MAGI2: variants seen among roughly 807,000 people sequenced by gnomAD.
The protein encoded by MAGI2 is membrane-associated guanylate kinase, WW and PDZ domain-containing protein 2.
MAGI2 carries 35 observed loss-of-function variants against 133.3 expected under a neutral mutation model. The ratio of observed to expected loss-of-function variants is 0.26; its 90% CI spans 0.20 to 0.35. The LOEUF (loss-of-function observed/expected upper bound fraction) is 0.35. Ranked by LOEUF, MAGI2 falls within the 10% of genes least tolerant of loss-of-function variation. MAGI2 has a pLI of 1.00. For missense variants in MAGI2, 1,636 were observed against 1,863.4 expected (o/e 0.88, Z 2.25); for synonymous variants, 729 against 710.6 (o/e 1.03, Z -0.41).
intron 1 of MAGI2, among the ~76,000 whole-genome samples, chr7:79,009,746 C>G (rs1807854474): frequency 6.6e-6 from 1 of 152,004 alleles, no homozygotes; most frequent in Non-Finnish European, 1.5e-5. Context: ...ACACTTAGCC[C>G]AGAAGGAAAT....
chr7:78,695,041 C>T (rs557410373), intron 2 of MAGI2, among the ~76,000 whole-genome samples: 7 of 152,062 alleles, frequency 4.6e-5, no homozygotes, highest in South Asian at 4.2e-4. Context: ...CTGGCTAACA[C>T]GGTGAAACCC....
At chr7:78,912,132 T>C (rs1227435846) in intron 2 of MAGI2, among the ~76,000 whole-genome samples, 1 of 152,248 alleles carries the variant, frequency 6.6e-6, no homozygotes, top group Non-Finnish European at 1.5e-5. Context: ...TTAGCACTTC[T>C]GTGCATTTCA....
At chr7:79,076,243 C>G (rs1273082450) in intron 1 of MAGI2, among the ~76,000 whole-genome samples, 2 of 152,154 alleles carry the variant, frequency 1.3e-5, no homozygotes, top group Non-Finnish European at 2.9e-5. Context: ...GAACCAAGTA[C>G]CTAGGTACTA....
chr7:79,379,533 C>A (rs1009465319), intron 1 of MAGI2, among the ~76,000 whole-genome samples: 36 of 152,056 alleles, frequency 2.4e-4, no homozygotes, highest in Non-Finnish European at 4.4e-4. Context: ...TGAGGAATCG[C>A]CACACTGTCT....
chr7:78,893,382 A>G (rs1430420861), intron 2 of MAGI2, among the ~76,000 whole-genome samples: 1 of 152,218 alleles, frequency 6.6e-6, no homozygotes, highest in African/African-American at 2.4e-5. Flanking sequence ...ATTACTGGGT[A>G]TATACCCAAA....
chr7:78,823,493 G>A (rs974635009), intron 2 of MAGI2, among the ~76,000 whole-genome samples: 7 of 150,238 alleles, frequency 4.7e-5, no homozygotes, highest in African/African-American at 1.7e-4. Flanking sequence ...TGAGGCAGGA[G>A]AATGGCGTGA....
At chr7:78,576,329 A>G (rs1222469495) in intron 3 of MAGI2, among the ~76,000 whole-genome samples, 2 of 152,138 alleles carry the variant, frequency 1.3e-5, no homozygotes, top group Non-Finnish European at 2.9e-5. Flanking sequence ...ACAATCTACC[A>G]CTTCCTTTGA....
intron 6 of MAGI2, among the ~76,000 whole-genome samples, chr7:78,436,020 T>C (rs1256779663): frequency 6.6e-6 from 1 of 152,180 alleles, no homozygotes; most frequent in East Asian, 1.9e-4. Context: ...AGTAGATATC[T>C]GGAGATTTTT....
At position 78,017,207 on chromosome 7, in the gene MAGI2, A is replaced by G. The variant is rs1370128826; in HGVS notation, c.*2108T>C. The G allele has an allele frequency of 1.3e-5, 2 of 152,676 alleles. No individual in the cohort carries two copies. Among genetic ancestry groups the G allele is most frequent in the Non-Finnish European group, 2.9e-5 (2 of 68,046 alleles). The allele number at this position is 152,676 out of a possible 1,614,324, so 9.5% of individuals were successfully genotyped here. A position where few individuals can be genotyped will look rare whatever the true frequency, so the allele number is the denominator to read the frequency against. ...GCTCACTTACAGTCTTTCTGTGACTATTAATACATGGAATTATATTTATAG... is the reference window on the plus strand; with the variant it reads ...GCTCACTTACAGTCTTTCTGTGACTGTTAATACATGGAATTATATTTATAG... On this transcript the variant is annotated 3_prime_UTR_variant, in exon 22 of 22. Transcript: ENST00000354212.
rs949012118 is a variant in MAGI2, at chr7:78,304,105, A to G, written c.1408+39673T>C. On this transcript the variant is annotated intron_variant, in intron 9 of 21. Coordinates refer to ENST00000354212, the MANE Select transcript of MAGI2 (RefSeq NM_012301.4). Reference sequence around the variant, plus strand: ...TCTATTCCATTAGCAAATATTGTCAATTTTACCTTCAAAAACTATCCTGAC... The same window carrying G: ...TCTATTCCATTAGCAAATATTGTCAGTTTTACCTTCAAAAACTATCCTGAC... 1.7e-4 allele frequency among the ~76,000 whole-genome samples: 26 copies of G among 152,078 alleles called. 1 individual carries two copies. Among genetic ancestry groups the G allele is most frequent in the Non-Finnish European group, 4.4e-5 (3 of 68,014 alleles).
intron 2 of MAGI2, among the ~76,000 whole-genome samples, chr7:78,812,604 G>GTT (rs1789174526): frequency 1.3e-5 from 2 of 152,080 alleles, no homozygotes; most frequent in South Asian, 4.2e-4. Flanking sequence ...GTGTGTGTGT[G>GTT]TGTGTGTGTG....
intron 2 of MAGI2, among the ~76,000 whole-genome samples, chr7:78,630,413 C>CTTTTTTT (rs35696228): frequency 2.0e-4 from 22 of 112,304 alleles, no homozygotes; most frequent in South Asian, 5.7e-4. Context: ...TTGTGTTTAA[C>CTTTTTTT]TTTTTTTTTT....
intron 6 of MAGI2, among the ~76,000 whole-genome samples, chr7:78,384,933 G>C (rs1183870528): frequency 6.6e-6 from 1 of 152,136 alleles, no homozygotes; most frequent in East Asian, 1.9e-4. Flanking sequence ...TGATGCTGCT[G>C]TCTGAAGCAT....
chr7:79,305,941 G>T (rs1041994680), intron 1 of MAGI2, among the ~76,000 whole-genome samples: 1 of 150,810 alleles, frequency 6.6e-6, no homozygotes, highest in South Asian at 2.1e-4. Flanking sequence ...CTCCTTTGGT[G>T]AGGCATAGGA....
At chr7:79,136,012 A>AGAAAGAAG (rs1562928866) in intron 1 of MAGI2, among the ~76,000 whole-genome samples, 24 of 130,850 alleles carry the variant, frequency 1.8e-4, no homozygotes, top group Non-Finnish European at 3.0e-4. Flanking sequence ...AGAGAAAGAA[A>AGAAAGAAG]GAAAGAAAGA....
At chr7:79,187,700 G>A (rs542502853) in intron 1 of MAGI2, among the ~76,000 whole-genome samples, 20 of 151,814 alleles carry the variant, frequency 1.3e-4, no homozygotes, top group African/African-American at 4.6e-4. Flanking sequence ...ACGGATTTAT[G>A]GTTGAAATTA....
chr7:78,730,359 T>C (rs1585219387), intron 2 of MAGI2, among the ~76,000 whole-genome samples: 2 of 144,812 alleles, frequency 1.4e-5, no homozygotes, highest in South Asian at 4.4e-4. Flanking sequence ...TCCACGAATA[T>C]AAAATGCTCA....
chr7:78,660,132 G>C, intron 2 of MAGI2, among the ~76,000 whole-genome samples: 1 of 151,454 alleles, frequency 6.6e-6, no homozygotes, highest in African/African-American at 2.4e-5. Context: ...TGGGGTGGGG[G>C]GAGGTGGGAG....
chr7:79,452,721 A>T (rs1277515158), intron 1 of MAGI2, among the ~76,000 whole-genome samples: 1 of 151,838 alleles, frequency 6.6e-6, no homozygotes, highest in African/African-American at 2.4e-5. Context: ...GATGCCACTG[A>T]CGCACATTCA....
Sources: allele counts gnomAD v4.1 joint callset (sites outside exome capture counted in the v4.1 genomes callset), GRCh38; gene constraint gnomAD v4.1.1; transcripts MANE v1.5; gene names NCBI Gene and HGNC (gene_info 2026-07-23, HGNC 2026-07-21).